The following AMZ2 variants were observed in gnomAD, a reference collection of about 807,000 sequenced individuals.
AMZ2 encodes archaelysin family metallopeptidase 2.
A neutral mutation model predicts 36.7 loss-of-function variants in AMZ2; 26 were observed. That is an observed-to-expected ratio of 0.71 (90% CI 0.52 to 0.98). The LOEUF (loss-of-function observed/expected upper bound fraction) is 0.98, where lower values mean the gene tolerates loss of function less well. AMZ2 is among the 50% of genes least tolerant of loss of function. AMZ2 has a pLI of 0.00. For synonymous variants in AMZ2, 144 were observed against 149.1 expected (o/e 0.97, Z 0.25); for missense variants, 394 against 430.5 (o/e 0.92, Z 0.75).
At position 68,255,889 on chromosome 17, in the gene AMZ2, G is replaced by A; in HGVS notation, c.927+13G>A. On this transcript the variant is annotated intron_variant, in intron 6 of 6. Transcript: ENST00000359904. ...AGAAAGATACAAAGTAAGTTGGGGG[G>A]TGGACAGTCTAAAGAGGGGGAAGTG... The A allele has an allele frequency of 6.2e-7, 1 of 1,613,426 alleles. No individual in the cohort carries two copies. The highest frequency in any genetic ancestry group is 8.5e-7 in the Non-Finnish European group (1 of 1,179,626).
intron 1 of AMZ2, among the ~76,000 whole-genome samples, chr17:68,216,764 C>G (rs557223186): frequency 6.6e-6 from 1 of 152,246 alleles, no homozygotes; most frequent in East Asian, 1.9e-4. Context: ...GGCACGGTGG[C>G]TCACGCCTGT....
At chr17:68,225,921 C>G (rs556025758) in intron 1 of AMZ2, among the ~76,000 whole-genome samples, 3 of 152,118 alleles carry the variant, frequency 2.0e-5, no homozygotes, top group Non-Finnish European at 4.4e-5. Flanking sequence ...CTGCACCCAG[C>G]CTTAATGTTC....
upstream of AMZ2, among the ~76,000 whole-genome samples, chr17:68,243,878 C>G (rs1461042124): frequency 6.6e-6 from 1 of 152,062 alleles, no homozygotes; most frequent in East Asian, 1.9e-4. Flanking sequence ...AATAACAATA[C>G]TACAGTGAAG....
intron 1 of AMZ2, among the ~76,000 whole-genome samples, chr17:68,239,407 T>C (rs1459255693): frequency 6.6e-6 from 1 of 152,146 alleles, no homozygotes; most frequent in Non-Finnish European, 1.5e-5. Flanking sequence ...GCAGTTGATA[T>C]CAGCTAAGGG....
chr17:68,247,917 G>A, upstream of AMZ2: 1 of 985,590 alleles, frequency 1.0e-6, no homozygotes, highest in Non-Finnish European at 1.2e-6. Flanking sequence ...GCCTGCCCAG[G>A]CGGCCGCACG....
intron 1 of AMZ2, among the ~76,000 whole-genome samples, chr17:68,208,214 C>G (rs2072903596): frequency 6.6e-6 from 1 of 152,236 alleles, no homozygotes; most frequent in African/African-American, 2.4e-5. Context: ...GGGCGCGGGA[C>G]TGGCAGGCAG....
chr17:68,250,547 C>G, intron 2 of AMZ2, 77 bp downstream of exon 2: 1 of 1,527,784 alleles, frequency 6.5e-7, no homozygotes, highest in African/African-American at 1.4e-5. Context: ...GGCTATGGGT[C>G]TGATTCAGAT....
At chr17:68,253,839 G>A (rs1555741178) in intron 4 of AMZ2, among the ~76,000 whole-genome samples, 1 of 150,556 alleles carries the variant, frequency 6.6e-6, no homozygotes. Context: ...CTGCAACTCC[G>A]CCTCATGGGT....
intron 1 of AMZ2, 148 bp downstream of exon 1, chr17:68,248,853 C>T (rs1196188156): frequency 8.9e-6 from 7 of 788,820 alleles, no homozygotes; most frequent in Non-Finnish European, 7.9e-6. Flanking sequence ...TTTAGTCAGC[C>T]TCTTCAACCC....
intron 1 of AMZ2, among the ~76,000 whole-genome samples, chr17:68,220,709 C>T (rs1240462273): frequency 6.6e-6 from 1 of 151,932 alleles, no homozygotes; most frequent in Non-Finnish European, 1.5e-5. Context: ...AGATAAAATG[C>T]TCCAACCCTT....
chr17:68,214,808 G>A (rs538445676), intron 1 of AMZ2, among the ~76,000 whole-genome samples: 1 of 150,526 alleles, frequency 6.6e-6, no homozygotes, highest in African/African-American at 2.4e-5. Flanking sequence ...TTTTGACAGG[G>A]TCTCACTTTG....
In AMZ2 at chr17:68,224,363, G is replaced by A. The variant is rs566176447; in HGVS notation, c.-67+18125G>A. 4.6e-5 allele frequency among the ~76,000 whole-genome samples: 7 copies of A among 152,326 alleles called. No individual in the cohort carries two copies. In the South Asian group the frequency reaches 1.4e-3, roughly 32 times the overall value. On this transcript the variant is annotated intron_variant, in intron 1 of 7. Transcript: ENST00000674770. The stretch of plus-strand genomic sequence containing the variant: ...AGAACATGGGCTTTACCATAAGAGG[G>A]ACTTGGATTCAAATCCAGGCTTCTG...
At position 68,248,533 on chromosome 17, in the gene AMZ2, C is replaced by G. The variant is rs1419598116; in HGVS notation, c.-173C>G. The G allele has an allele frequency of 3.0e-6, 3 of 986,058 alleles. No individual in the cohort carries two copies. The African/African-American group carries it at 5.2e-5, about 17-fold the overall frequency. 61.1% of individuals were successfully genotyped at this position (986,058 alleles called of 1,614,324 possible). ...ATTCTGCGCCCCCTGCCCATCTTCT[C>G]CCGCAGCTTCCCTAGATTAGGCTTG... On this transcript the variant is annotated 5_prime_UTR_variant, in exon 1 of 7. Transcript: ENST00000359904.
intron 1 of AMZ2, among the ~76,000 whole-genome samples, chr17:68,208,173 G>A (rs1370432418): frequency 6.6e-6 from 1 of 152,174 alleles, no homozygotes; most frequent in Non-Finnish European, 1.5e-5. Context: ...CAGTCCCATC[G>A]ACCACCCTAG....
At chr17:68,216,952 G>C (rs1377431822) in intron 1 of AMZ2, among the ~76,000 whole-genome samples, 2 of 151,062 alleles carry the variant, frequency 1.3e-5, no homozygotes, top group African/African-American at 4.9e-5. Flanking sequence ...AGAATGGTGT[G>C]AACCCGGGAG....
At chr17:68,246,445 A>C (rs1324926853), upstream of AMZ2, among the ~76,000 whole-genome samples, 1 of 152,144 alleles carries the variant, frequency 6.6e-6, no homozygotes. Flanking sequence ...CACAGGTCCC[A>C]CGCTAGTGAG....
chr17:68,226,646 T>A (rs1395481761), intron 1 of AMZ2, among the ~76,000 whole-genome samples: 1 of 152,170 alleles, frequency 6.6e-6, no homozygotes, highest in Non-Finnish European at 1.5e-5. Context: ...ACCTCCCACC[T>A]CTGGTGGAGG....
Position 68,235,026 on chromosome 17 carries a change from A to G in AMZ2, c.-66-13614A>G, listed in dbSNP as rs1369451335. 6.6e-6 allele frequency among the ~76,000 whole-genome samples: 1 copy of G among 152,180 alleles called. No homozygotes were observed. Among genetic ancestry groups the G allele is most frequent in the Non-Finnish European group, 1.5e-5 (1 of 68,020 alleles). On this transcript the variant is annotated intron_variant, in intron 1 of 7. Transcript: ENST00000674770. This position sits in a 1 kb window ranked among gnomAD's most constrained non-coding sequence, Gnocchi z 4.2. ...GCAAAACTCCAATCTTAAAAAAAAG[A>G]AAAAAGATAGGTAGATAGATGTATC...
Position 68,235,866 on chromosome 17 carries a change from G to A in AMZ2, c.-66-12774G>A, listed in dbSNP as rs2073775314. Among the ~76,000 whole-genome samples the A allele has an allele frequency of 6.6e-6, 1 of 151,598 alleles. No individual in the cohort carries two copies. The highest frequency in any genetic ancestry group is 1.5e-5 in the Non-Finnish European group (1 of 67,940). ...TTTTTTCGAGATAGTTTCTCACTTG[G>A]TCCACCAGGCTGGAATGCAGTGGCA... On this transcript the variant is annotated intron_variant, in intron 1 of 7. Coordinates refer to the AMZ2 transcript ENST00000674770. The surrounding 1 kb of genome is among the most constrained non-coding windows in gnomAD (Gnocchi z 4.2).
Sources: allele counts gnomAD v4.1 joint callset (sites outside exome capture counted in the v4.1 genomes callset), GRCh38; gene constraint gnomAD v4.1.1; non-coding constraint Gnocchi (gnomAD v3.1); transcripts MANE v1.5; gene names NCBI Gene and HGNC (gene_info 2026-07-23, HGNC 2026-07-21).